The following PCDH15 variants were observed in gnomAD, a reference collection of about 807,000 sequenced individuals.
The protein encoded by PCDH15 is protocadherin-15.
Under a neutral mutation model 178.5 loss-of-function variants are expected in PCDH15, and 129 were observed. The ratio of observed to expected loss-of-function variants is 0.72; its 90% CI spans 0.63 to 0.84. The LOEUF (loss-of-function observed/expected upper bound fraction) is 0.84. PCDH15 is among the 40% of genes least tolerant of loss of function. PCDH15 has a pLI of 0.00. For missense variants in PCDH15, 2,230 were observed against 2,099.9 expected, an observed-to-expected ratio of 1.06 and a Z score of -1.21; for synonymous variants, 800 against 732.0, an observed-to-expected ratio of 1.09 and a Z score of -1.50.
chr10:55,547,937 G>C (rs1404353489), intron 2 of PCDH15, among the ~76,000 whole-genome samples: 2 of 150,022 alleles, frequency 1.3e-5, no homozygotes, highest in African/African-American at 4.9e-5. Context: ...GAGAGAGAGA[G>C]AGAGAGAGAG....
intron 3 of PCDH15, among the ~76,000 whole-genome samples, chr10:54,497,473 A>C (rs2137304841): frequency 6.6e-6 from 1 of 152,288 alleles, no homozygotes; most frequent in Middle Eastern, 3.4e-3. Flanking sequence ...TGACAGACAT[A>C]GAATTTGGAA....
chr10:55,083,229 G>T (rs1303339823), intron 2 of PCDH15, among the ~76,000 whole-genome samples: 1 of 151,714 alleles, frequency 6.6e-6, no homozygotes, highest in Non-Finnish European at 1.5e-5. Flanking sequence ...TTATCCCAGA[G>T]ATGCAAGGAT....
chr10:55,358,540 C>T (rs1313486158), intron 2 of PCDH15, among the ~76,000 whole-genome samples: 1 of 151,978 alleles, frequency 6.6e-6, no homozygotes, highest in African/African-American at 2.4e-5. Context: ...AGGATATCAG[C>T]ATATCTCACA....
chr10:54,144,893 G>A (rs1340869503), intron 14 of PCDH15, among the ~76,000 whole-genome samples: 1 of 152,090 alleles, frequency 6.6e-6, no homozygotes, highest in East Asian at 1.9e-4. Flanking sequence ...TTCAAAATCT[G>A]CTTTCCATTT....
intron 2 of PCDH15, among the ~76,000 whole-genome samples, chr10:55,161,027 T>G (rs1839050959): frequency 1.3e-5 from 2 of 152,136 alleles, no homozygotes. Flanking sequence ...AGTAGACACA[T>G]TCCTTGTCAT....
At chr10:54,512,082 A>G (rs1354694802) in intron 3 of PCDH15, among the ~76,000 whole-genome samples, 1 of 152,106 alleles carries the variant, frequency 6.6e-6, no homozygotes, top group East Asian at 1.9e-4. Context: ...AAAGCCAGCA[A>G]TTTATTTCTT....
intron 1 of PCDH15, among the ~76,000 whole-genome samples, chr10:54,725,640 A>G (rs1294054162): frequency 6.9e-6 from 1 of 144,954 alleles, no homozygotes; most frequent in Non-Finnish European, 1.5e-5. Context: ...ATTCATAAAG[A>G]AATAGTCTAC....
At chr10:54,536,211 G>T (rs1455379365) in intron 2 of PCDH15, among the ~76,000 whole-genome samples, 3 of 152,184 alleles carry the variant, frequency 2.0e-5, no homozygotes, top group Admixed American at 1.3e-4. Flanking sequence ...ACCTTTGAAA[G>T]TTAATTAAAT....
At chr10:55,616,528 A>AC (rs36102258) in intron 2 of PCDH15, among the ~76,000 whole-genome samples, 39,296 of 151,478 alleles carry the variant, frequency 0.26, 6,007 homozygotes, top group Non-Finnish European at 0.35. Flanking sequence ...GCAAAAAAAA[A>AC]AAAAAGAGTA....
At chr10:55,003,937 G>C (rs190050941) in intron 2 of PCDH15, among the ~76,000 whole-genome samples, 2 of 152,220 alleles carry the variant, frequency 1.3e-5, no homozygotes, top group African/African-American at 4.8e-5. Context: ...GGTATCTGCA[G>C]GTGCAGATAG....
chr10:54,429,908 C>T (rs745878601), intron 3 of PCDH15, among the ~76,000 whole-genome samples: 1 of 152,152 alleles, frequency 6.6e-6, no homozygotes, highest in Non-Finnish European at 1.5e-5. Flanking sequence ...CAACACCCTA[C>T]TTTCTGCATT....
intron 2 of PCDH15, among the ~76,000 whole-genome samples, chr10:55,069,624 T>G (rs964628369): frequency 6.9e-6 from 1 of 144,452 alleles, no homozygotes; most frequent in Admixed American, 7.0e-5. Flanking sequence ...TTTTTATGGC[T>G]GCATAGTATT....
chr10:54,480,329 A>T (rs2078624597), intron 3 of PCDH15, among the ~76,000 whole-genome samples: 2 of 152,078 alleles, frequency 1.3e-5, no homozygotes, highest in South Asian at 4.1e-4. Context: ...TTGCTTGTGC[A>T]CACCTAAAAA....
chr10:55,327,283 C>T (rs920086777), intron 2 of PCDH15, among the ~76,000 whole-genome samples: 14 of 151,998 alleles, frequency 9.2e-5, no homozygotes, highest in African/African-American at 3.1e-4. Flanking sequence ...GATGAACTTC[C>T]GAGTCTTCAA....
chr10:55,272,440 T>C (rs1842468890), intron 1 of PCDH15, among the ~76,000 whole-genome samples: 1 of 151,880 alleles, frequency 6.6e-6, no homozygotes, highest in Non-Finnish European at 1.5e-5. Context: ...TGTCTCATTC[T>C]GTCACCCAGG....
chr10:55,613,300 C>T (rs1843409103), intron 2 of PCDH15, among the ~76,000 whole-genome samples: 1 of 152,092 alleles, frequency 6.6e-6, no homozygotes, highest in Non-Finnish European at 1.5e-5. Context: ...CTTTACCTGC[C>T]GCCTTGTGAT....
intron 26 of PCDH15, among the ~76,000 whole-genome samples, chr10:53,880,632 G>A (rs1279362020): frequency 6.6e-6 from 1 of 151,940 alleles, no homozygotes; most frequent in Non-Finnish European, 1.5e-5. Flanking sequence ...TGCTTTCATA[G>A]TAAAAGAGTA....
intron 10 of PCDH15, 138 bp downstream of exon 10, chr10:54,213,798 C>A: frequency 1.5e-5 from 9 of 581,650 alleles, no homozygotes; most frequent in African/African-American, 1.9e-5. Flanking sequence ...CGCTTATTTT[C>A]TTTTTAACAA....
At chr10:54,613,165 G>A (rs553772176) in intron 2 of PCDH15, among the ~76,000 whole-genome samples, 11 of 151,932 alleles carry the variant, frequency 7.2e-5, no homozygotes, top group Admixed American at 3.9e-4. Flanking sequence ...GCTTTAGAGA[G>A]TGAAAGAGTT....
Sources: allele counts gnomAD v4.1 joint callset (sites outside exome capture counted in the v4.1 genomes callset), GRCh38; gene constraint gnomAD v4.1.1; transcripts MANE v1.5; gene names NCBI Gene and HGNC (gene_info 2026-07-23, HGNC 2026-07-21).